Variants in PPFIA2 observed in about 807,000 individuals in gnomAD.
PPFIA2 encodes liprin-alpha-2.
PPFIA2 carries 46 observed loss-of-function variants against 175.5 expected under a neutral mutation model. That is an observed-to-expected ratio of 0.26 (90% confidence interval 0.21 to 0.34). The LOEUF (loss-of-function observed/expected upper bound fraction) is 0.34, where lower values mean the gene tolerates loss of function less well. Among genes scored for constraint, PPFIA2 ranks in the 10% least tolerant of loss-of-function variants. PPFIA2 has a pLI of 1.00. For synonymous variants in PPFIA2, 568 were observed against 511.4 expected (o/e 1.11, Z -1.49); for missense variants, 1,179 against 1,506.1 (o/e 0.78, Z 3.60).
At chr12:81,478,820 G>A (rs995732205) in intron 4 of PPFIA2, among the ~76,000 whole-genome samples, 2 of 152,086 alleles carry the variant, frequency 1.3e-5, no homozygotes, top group Admixed American at 6.6e-5. Context: ...ATTATCTGAG[G>A]AGTGTTTTAC....
intron 21 of PPFIA2, 45 bp from the exon 22 acceptor site, chr12:81,325,915 T>G (rs1261107761): frequency 7.2e-7 from 1 of 1,387,108 alleles, no homozygotes; most frequent in Non-Finnish European, 1.0e-6. Context: ...TTGCATAGGT[T>G]GTGTCAATTC....
chr12:81,610,180 C>T (rs2060745273), intron 4 of PPFIA2, among the ~76,000 whole-genome samples: 1 of 152,150 alleles, frequency 6.6e-6, no homozygotes, highest in East Asian at 1.9e-4. Flanking sequence ...TGACCTTTAT[C>T]TCTAGCTGCC....
chr12:81,518,992 G>T (rs2062793413), intron 4 of PPFIA2, among the ~76,000 whole-genome samples: 1 of 152,032 alleles, frequency 6.6e-6, no homozygotes, highest in African/African-American at 2.4e-5. Context: ...ACTCATTGAA[G>T]GTAGAATGAA....
chr12:81,555,762 A>G (rs1202797413), intron 4 of PPFIA2, among the ~76,000 whole-genome samples: 1 of 151,976 alleles, frequency 6.6e-6, no homozygotes, highest in Non-Finnish European at 1.5e-5. Flanking sequence ...TGCAATGAAG[A>G]GAAGAAAACA....
chr12:81,419,476 C>T (rs1430290687), intron 7 of PPFIA2, among the ~76,000 whole-genome samples: 2 of 151,874 alleles, frequency 1.3e-5, no homozygotes, highest in African/African-American at 4.8e-5. Flanking sequence ...CATGATATTG[C>T]CCTTGTATAC....
chr12:81,434,168 T>C (rs982278667), intron 7 of PPFIA2, among the ~76,000 whole-genome samples: 1 of 152,090 alleles, frequency 6.6e-6, no homozygotes, highest in African/African-American at 2.4e-5. Flanking sequence ...GTAGAATCTG[T>C]AGGTTAGGAA....
intron 14 of PPFIA2, among the ~76,000 whole-genome samples, chr12:81,364,489 T>A (rs1210924159): frequency 1.3e-5 from 2 of 151,864 alleles, no homozygotes; most frequent in African/African-American, 2.4e-5. Context: ...GCTCAAGTAA[T>A]CCTCTTGCCT....
chr12:81,686,811 C>T (rs915099068), intron 3 of PPFIA2, among the ~76,000 whole-genome samples: 2 of 152,048 alleles, frequency 1.3e-5, no homozygotes, highest in African/African-American at 2.4e-5. Context: ...TAGTTGATTG[C>T]CTTCTTTCAT....
chr12:81,619,933 G>A (rs12227717), intron 4 of PPFIA2, among the ~76,000 whole-genome samples: 1 of 152,056 alleles, frequency 6.6e-6, no homozygotes, highest in African/African-American at 2.4e-5. Flanking sequence ...GCCGAGGCGG[G>A]CGGATCACGA....
chr12:81,631,968 A>G (rs1246825093), intron 4 of PPFIA2, among the ~76,000 whole-genome samples: 1 of 152,210 alleles, frequency 6.6e-6, no homozygotes. Context: ...TTAAATATGT[A>G]TTAAGTGTAT....
intron 3 of PPFIA2, among the ~76,000 whole-genome samples, chr12:81,719,906 A>C (rs1230237080): frequency 1.3e-5 from 2 of 151,536 alleles, no homozygotes; most frequent in East Asian, 3.9e-4. Flanking sequence ...AGTGTAAGGG[A>C]ACATTTATTC....
intron 21 of PPFIA2, among the ~76,000 whole-genome samples, chr12:81,336,946 G>A (rs1339906417): frequency 6.6e-6 from 1 of 152,050 alleles, no homozygotes. Flanking sequence ...GCAGTACTAG[G>A]TTGTAGTCCC....
chr12:81,335,692 G>A (rs942987377), intron 21 of PPFIA2, among the ~76,000 whole-genome samples: 5 of 151,366 alleles, frequency 3.3e-5, no homozygotes, highest in African/African-American at 7.3e-5. Context: ...GCAGTGAGCC[G>A]AGATTGTGCC....
At chr12:81,271,722 A>G (rs1202713255) in intron 28 of PPFIA2, among the ~76,000 whole-genome samples, 2 of 152,054 alleles carry the variant, frequency 1.3e-5, no homozygotes, top group Non-Finnish European at 2.9e-5. Context: ...AATTTCACTT[A>G]TTCCCTTCCT....
At chr12:81,369,054 A>G in intron 12 of PPFIA2, 57 bp downstream of exon 12, 6 of 1,414,402 alleles carry the variant, frequency 4.2e-6, no homozygotes, top group Non-Finnish European at 4.9e-6. Flanking sequence ...CTTCTTATAT[A>G]CAGAATACGA....
At chr12:81,725,454 C>T (rs920185301) in intron 3 of PPFIA2, among the ~76,000 whole-genome samples, 2 of 150,778 alleles carry the variant, frequency 1.3e-5, no homozygotes, top group Non-Finnish European at 3.0e-5. Flanking sequence ...TTGTTTAGTT[C>T]TTTTAAACTG....
intron 4 of PPFIA2, among the ~76,000 whole-genome samples, chr12:81,670,283 G>T (rs1050811749): frequency 7.2e-5 from 11 of 151,972 alleles, no homozygotes; most frequent in Middle Eastern, 3.4e-3. Context: ...TAGAACTTAT[G>T]CTGTGAAATA....
intron 4 of PPFIA2, among the ~76,000 whole-genome samples, chr12:81,542,047 T>C (rs2066303336): frequency 6.6e-6 from 1 of 152,106 alleles, no homozygotes; most frequent in Admixed American, 6.6e-5. Flanking sequence ...AAAATGTATC[T>C]GTTCTAATCC....
At chr12:81,641,652 C>A (rs2064987819) in intron 4 of PPFIA2, among the ~76,000 whole-genome samples, 1 of 152,126 alleles carries the variant, frequency 6.6e-6, no homozygotes, top group Non-Finnish European at 1.5e-5. Context: ...CATTTTAGAA[C>A]AGCCAGGTTC....
Sources: allele counts gnomAD v4.1 joint callset (sites outside exome capture counted in the v4.1 genomes callset), GRCh38; gene constraint gnomAD v4.1.1; transcripts MANE v1.5; gene names NCBI Gene and HGNC (gene_info 2026-07-23, HGNC 2026-07-21).